Variants in COL15A1 observed in about 807,000 individuals in gnomAD.
The protein encoded by COL15A1 is collagen type XV alpha 1 chain.
In COL15A1, 111 loss-of-function variants were observed where a neutral mutation model predicts 165.9. The observed-to-expected ratio is 0.67, with a 90% CI of 0.57 to 0.78. The LOEUF (loss-of-function observed/expected upper bound fraction) is 0.78. COL15A1 is among the 30% of genes least tolerant of loss of function. The pLI, the probability that COL15A1 is intolerant of heterozygous loss-of-function variation, is 0.00. For missense variants in COL15A1, 1,745 were observed against 1,789.7 expected (o/e 0.98, Z 0.45); for synonymous variants, 659 against 674.8 (o/e 0.98, Z 0.36).
At chr9:99,019,725 A>G (rs1838995681) in intron 11 of COL15A1, among the ~76,000 whole-genome samples, 1 of 151,996 alleles carries the variant, frequency 6.6e-6, no homozygotes, top group Admixed American at 6.5e-5. Context: ...GGGAATCATA[A>G]TCTTAGAACC....
chr9:99,002,830 C>G (rs1351034327), intron 7 of COL15A1, among the ~76,000 whole-genome samples: 1 of 152,200 alleles, frequency 6.6e-6, no homozygotes, highest in Non-Finnish European at 1.5e-5. Flanking sequence ...CTTTGATTAG[C>G]CTGGTGTTTT....
intron 16 of COL15A1, among the ~76,000 whole-genome samples, chr9:99,031,016 C>T (rs4743314): frequency 0.32 from 49,341 of 152,000 alleles, 9,149 homozygotes; most frequent in East Asian, 0.63. Context: ...GGCTGGCCAG[C>T]AGGGAGGTGA....
intron 5 of COL15A1, among the ~76,000 whole-genome samples, chr9:98,991,063 T>C (rs897255352): frequency 6.6e-5 from 10 of 152,184 alleles, no homozygotes; most frequent in Admixed American, 4.6e-4. Context: ...GGTGGGTTCA[T>C]GGTCTTGCTG....
Position 99,000,865 on chromosome 9 carries a change from C to T in COL15A1, c.979C>T (p.Leu327=), listed in dbSNP as rs762628302. 4.4e-6 allele frequency: 7 copies of T among 1,594,962 alleles called. 1 individual carries two copies. Among genetic ancestry groups the T allele is most frequent in the Non-Finnish European group, 6.0e-6 (7 of 1,163,090 alleles). ...QGSGEILNDT[L]EGVHSVDGDP... ...GTCTGGTGAGATCCTGAATGACACACTGGAGGGGGTTCATTCTGTGGATGG... is the reference window on the plus strand; with the variant it reads ...GTCTGGTGAGATCCTGAATGACACATTGGAGGGGGTTCATTCTGTGGATGG... Residue 327 remains leucine (L), a synonymous_variant, in exon 7 of 42, where the codon CTG becomes TTG. Coordinates refer to ENST00000375001, the MANE Select transcript of COL15A1 (RefSeq NM_001855.5).
At chr9:99,035,228 C>G in intron 18 of COL15A1, 74 bp downstream of exon 18, 1 of 1,574,750 alleles carries the variant, frequency 6.4e-7, no homozygotes, top group Non-Finnish European at 8.7e-7. Flanking sequence ...CTAGCTAAAC[C>G]CTGGTCTCAG....
rs1432498311 is a variant in COL15A1 at position 99,055,474 on chromosome 9, C to G, written c.3192+102C>G. 2.0e-5 allele frequency: 14 copies of G among 714,776 alleles called. No individual in the cohort carries two copies. In the East Asian group the frequency reaches 3.4e-4, roughly 17 times the overall value. The allele number at this position is 714,776 out of a possible 1,614,324, so 44.3% of individuals were successfully genotyped here. On this transcript the variant is annotated intron_variant, in intron 34 of 41. Coordinates refer to ENST00000375001, the MANE Select transcript of COL15A1 (RefSeq NM_001855.5). ...TTAGGGCTAGTCATTGTACTATAAGCTGGAGGCAGAGCTTGGGGATTAGCC... is the reference window on the plus strand; with the variant it reads ...TTAGGGCTAGTCATTGTACTATAAGGTGGAGGCAGAGCTTGGGGATTAGCC...
At chr9:98,969,784 G>A (rs1360809189) in intron 2 of COL15A1, among the ~76,000 whole-genome samples, 1 of 152,216 alleles carries the variant, frequency 6.6e-6, no homozygotes, top group Non-Finnish European at 1.5e-5. Flanking sequence ...CAGACTCAAT[G>A]CCTCGCATCA....
chr9:99,013,035 A>G (rs1352040774), intron 9 of COL15A1, among the ~76,000 whole-genome samples: 3 of 152,008 alleles, frequency 2.0e-5, no homozygotes, highest in South Asian at 4.2e-4. Context: ...TAAGGGACGA[A>G]CTGAGCTGTG....
intron 35 of COL15A1, among the ~76,000 whole-genome samples, chr9:99,057,090 A>G (rs1206168391): frequency 1.3e-5 from 2 of 152,080 alleles, no homozygotes; most frequent in Admixed American, 1.3e-4. Flanking sequence ...TCATATGGTA[A>G]CTCTATGTTT....
intron 9 of COL15A1, among the ~76,000 whole-genome samples, chr9:99,014,698 C>T (rs1226553859): frequency 3.3e-5 from 5 of 152,184 alleles, no homozygotes; most frequent in African/African-American, 4.8e-5. Context: ...CGTGACACAG[C>T]CTCAGGAGAT....
At chr9:99,036,773 G>A (rs1839309069) in intron 21 of COL15A1, among the ~76,000 whole-genome samples, 1 of 152,226 alleles carries the variant, frequency 6.6e-6, no homozygotes, top group Admixed American at 6.5e-5. Flanking sequence ...CTTGATTACT[G>A]ATGGAGGTTA....
Position 98,946,496 on chromosome 9 carries a change from C to T in COL15A1, c.100+2246C>T, listed in dbSNP as rs1269672768. Among the ~76,000 whole-genome samples the T allele has an allele frequency of 4.6e-5, 7 of 152,190 alleles. No homozygotes were observed. In the East Asian group the frequency reaches 5.8e-4, roughly 13 times the overall value. On this transcript the variant is annotated intron_variant, in intron 2 of 41. Coordinates refer to ENST00000375001, the MANE Select transcript of COL15A1 (RefSeq NM_001855.5). ...TCAAAGCACAATGTCACCTTCACCA[C>T]GTCCCTGGAATCACCACCCAGCAGT...
At chr9:98,986,135 G>A (rs372275873) in intron 3 of COL15A1, 23 bp downstream of exon 3, 24 of 1,586,222 alleles carry the variant, frequency 1.5e-5, no homozygotes, top group Non-Finnish European at 1.8e-5. Context: ...CCCACTCCAG[G>A]TAGATCAGGG....
At chr9:99,031,874 C>T (rs1839217210) in intron 16 of COL15A1, among the ~76,000 whole-genome samples, 2 of 152,210 alleles carry the variant, frequency 1.3e-5, no homozygotes, top group African/African-American at 2.4e-5. Flanking sequence ...GTCCTCCAGT[C>T]ATATTTTCAC....
intron 9 of COL15A1, among the ~76,000 whole-genome samples, chr9:99,005,896 G>A (rs572958917): frequency 6.6e-6 from 1 of 152,164 alleles, no homozygotes; most frequent in African/African-American, 2.4e-5. Context: ...CTTCCCTGCA[G>A]ACCCAGCTCC....
At chr9:99,021,974 G>A in intron 12 of COL15A1, 117 bp from the exon 13 acceptor site, 2 of 1,383,244 alleles carry the variant, frequency 1.4e-6, no homozygotes, top group Non-Finnish European at 1.0e-6. Context: ...AAAGGACAAT[G>A]CCATTTTTCT....
At chr9:98,956,801 T>C (rs545803547) in intron 2 of COL15A1, among the ~76,000 whole-genome samples, 3 of 152,356 alleles carry the variant, frequency 2.0e-5, no homozygotes, top group South Asian at 2.1e-4. Context: ...ATGCAGAATC[T>C]CTGGCTTCAC....
intron 2 of COL15A1, among the ~76,000 whole-genome samples, chr9:98,948,695 A>T (rs10988309): frequency 0.024 from 3,614 of 152,040 alleles, 240 homozygotes; most frequent in Admixed American, 0.14. Context: ...GGACAACACC[A>T]ATCCTTCCTT....
At chr9:98,980,166 A>T (rs1300742644) in intron 2 of COL15A1, among the ~76,000 whole-genome samples, 2 of 152,134 alleles carry the variant, frequency 1.3e-5, no homozygotes, top group Non-Finnish European at 2.9e-5. Flanking sequence ...GTCTCAAAAA[A>T]AAAAAAAGAG....
Sources: allele counts gnomAD v4.1 joint callset (sites outside exome capture counted in the v4.1 genomes callset), GRCh38; gene constraint gnomAD v4.1.1; transcripts MANE v1.5; gene names NCBI Gene and HGNC (gene_info 2026-07-23, HGNC 2026-07-21).